The following DOCK7 variants were observed in gnomAD, a reference collection of about 807,000 sequenced individuals.
DOCK7 encodes the protein dedicator of cytokinesis 7, also known as dedicator of cytokinesis protein 7.
Under a neutral mutation model 271.0 loss-of-function variants are expected in DOCK7, and 138 were observed. That is an observed-to-expected ratio of 0.51 (90% CI 0.44 to 0.59). The LOEUF (loss-of-function observed/expected upper bound fraction) is 0.59, where lower values mean the gene tolerates loss of function less well. DOCK7 is among the 20% of genes least tolerant of loss of function. DOCK7 has a pLI of 0.00. For synonymous variants in DOCK7, 823 were observed against 876.1 expected (o/e 0.94, Z 1.07); for missense variants, 2,066 against 2,592.4 (o/e 0.80, Z 4.41).
intron 41 of DOCK7, among the ~76,000 whole-genome samples, chr1:62,491,751 C>T (rs1646472471): frequency 6.6e-6 from 1 of 152,120 alleles, no homozygotes; most frequent in African/African-American, 2.4e-5. Context: ...TTTATAGAGC[C>T]CTGTCAGTCT....
At chr1:62,621,558 T>G (rs369698849) in intron 12 of DOCK7, among the ~76,000 whole-genome samples, 5 of 150,750 alleles carry the variant, frequency 3.3e-5, no homozygotes, top group African/African-American at 9.7e-5. Context: ...CCATTTGCTC[T>G]TCATCATTAT....
chr1:62,460,098 C>CAAAAAAA (rs71053316), intron 48 of DOCK7, among the ~76,000 whole-genome samples: 1 of 66,020 alleles, frequency 1.5e-5, no homozygotes, highest in African/African-American at 6.2e-5. Context: ...AGACTCGTCT[C>CAAAAAAA]AAAAAAAAAA....
chr1:62,667,815 C>T (rs1245784984), intron 1 of DOCK7, among the ~76,000 whole-genome samples: 4 of 152,074 alleles, frequency 2.6e-5, no homozygotes, highest in African/African-American at 7.2e-5. Context: ...GTCAGGAGTT[C>T]GCGACCAGTC....
rs547195533 is a variant in DOCK7, at chr1:62,622,566, G to A, written c.1426-2573C>T. ...CCTCCTGGGCTCAAGCAATTCTCCC[G>A]TCTCAGCCTCCCAAGTAGCTGGGAC... is the stretch of plus-strand genomic sequence containing the variant. On this transcript the variant is annotated intron_variant, in intron 12 of 49. Transcript: ENST00000635253. Among the ~76,000 whole-genome samples the A allele has an allele frequency of 3.3e-5, 5 of 152,120 alleles. No individual in the cohort carries two copies. The South Asian group carries it at 6.2e-4, about 19-fold the overall frequency.
chr1:62,476,206 A>C (rs1430400248), intron 44 of DOCK7, 50 bp from the exon 45 acceptor site: 1 of 1,494,564 alleles, frequency 6.7e-7, no homozygotes, highest in African/African-American at 1.4e-5. Flanking sequence ...AAGACTGCGA[A>C]ATAGAGAAGG....
At chr1:62,641,272 C>T in intron 7 of DOCK7, 1 of 419,872 alleles carries the variant, frequency 2.4e-6, no homozygotes. Flanking sequence ...TGGTGGCTGT[C>T]ACTGCCTGGT....
rs1413828950 is a variant in DOCK7, at chr1:62,455,896, T to C, written c.6381-440A>G. On this transcript the variant is annotated intron_variant, in intron 49 of 49. Transcript: ENST00000635253. ...CCCCAGGAATCTTTTATGTGGGCTA[T>C]ATATGGATGTTTATCATATCAGAAA... Among the ~76,000 whole-genome samples the C allele has an allele frequency of 3.9e-5, 6 of 152,338 alleles. No homozygotes were observed. In the South Asian group the frequency reaches 6.2e-4, roughly 16 times the overall value.
At chr1:62,535,107 A>G (rs1026319685) in intron 29 of DOCK7, among the ~76,000 whole-genome samples, 2 of 152,214 alleles carry the variant, frequency 1.3e-5, no homozygotes, top group African/African-American at 2.4e-5. Context: ...ACACAAAAAA[A>G]GATAAATTTT....
intron 22 of DOCK7, among the ~76,000 whole-genome samples, chr1:62,550,065 C>T (rs1645842996): frequency 6.6e-6 from 1 of 152,112 alleles, no homozygotes; most frequent in African/African-American, 2.4e-5. Context: ...TTTATCCAGT[C>T]ATCTGTTGAT....
chr1:62,460,397 AACAAT>A (rs535241651), intron 48 of DOCK7, among the ~76,000 whole-genome samples: 44 of 152,260 alleles, frequency 2.9e-4, no homozygotes, highest in South Asian at 1.5e-3. Context: ...TTATTTCCTA[AACAAT>A]ACAATATTAA....
At chr1:62,585,287 T>C (rs1330620026) in intron 15 of DOCK7, among the ~76,000 whole-genome samples, 2 of 152,160 alleles carry the variant, frequency 1.3e-5, no homozygotes, top group African/African-American at 4.8e-5. Context: ...GATGAAAATG[T>C]ATCTTTCCCA....
At chr1:62,458,298 T>A (rs1447704708) in intron 48 of DOCK7, 1 of 152,218 alleles carries the variant, frequency 6.6e-6, no homozygotes, top group Non-Finnish European at 1.5e-5. Flanking sequence ...TTCAGCTGAA[T>A]GTTAAATAAT....
chr1:62,485,675 A>C, intron 43 of DOCK7: 1 of 985,404 alleles, frequency 1.0e-6, no homozygotes, highest in Non-Finnish European at 1.2e-6. Context: ...AGACAATAGT[A>C]AAAGTGGGGA....
At chr1:62,560,106 C>A (rs977383213) in intron 19 of DOCK7, among the ~76,000 whole-genome samples, 1 of 152,098 alleles carries the variant, frequency 6.6e-6, no homozygotes, top group Non-Finnish European at 1.5e-5. Flanking sequence ...ACCCCATGAG[C>A]CTTTTCCCTT....
intron 16 of DOCK7, 43 bp downstream of exon 16, chr1:62,583,141 C>A (rs946117926): frequency 6.0e-6 from 9 of 1,511,348 alleles, no homozygotes; most frequent in Admixed American, 1.7e-5. Flanking sequence ...AACAATGCCA[C>A]TGAGAAGTGA....
At chr1:62,645,218 G>T (rs868409044) in intron 7 of DOCK7, among the ~76,000 whole-genome samples, 6 of 151,998 alleles carry the variant, frequency 3.9e-5, no homozygotes, top group South Asian at 2.1e-4. Flanking sequence ...CAAGAGAAAT[G>T]AAAACACGTG....
chr1:62,653,826 A>T (rs1390720964), intron 3 of DOCK7, 33 bp from the exon 4 acceptor site: 1 of 1,497,168 alleles, frequency 6.7e-7, no homozygotes, highest in African/African-American at 1.4e-5. Flanking sequence ...TTTGTAATTT[A>T]GACGGGACAG....
chr1:62,483,715 T>G (rs2149274579), intron 43 of DOCK7: 1 of 152,338 alleles, frequency 6.6e-6, no homozygotes, highest in African/African-American at 2.4e-5. Flanking sequence ...TCCAAGTAGC[T>G]GAGACCACAG....
At chr1:62,484,527 TCATCCAGG>T (rs1461478171) in intron 43 of DOCK7, 7 of 152,164 alleles carry the variant, frequency 4.6e-5, no homozygotes, top group African/African-American at 1.4e-4. Context: ...TCTCACTCTG[TCATCCAGG>T]CTAGAGTGCA....
Sources: gnomAD v4.1 joint callset for allele counts (sites outside exome capture counted in the v4.1 genomes callset) on GRCh38, gnomAD v4.1.1 for gene constraint, MANE v1.5 for transcripts, NCBI Gene and HGNC (gene_info 2026-07-23, HGNC 2026-07-21) for gene names.